The following SCHIP1 variants were observed in gnomAD, a reference collection of about 807,000 sequenced individuals.
SCHIP1 encodes schwannomin interacting protein 1.
SCHIP1 carries 8 observed loss-of-function variants against 29.7 expected under a neutral mutation model. That is an observed-to-expected ratio of 0.27 (90% CI 0.16 to 0.49). The LOEUF (loss-of-function observed/expected upper bound fraction) is 0.49. SCHIP1 is among the 20% of genes least tolerant of loss of function. SCHIP1 has a pLI of 0.99. For synonymous variants in SCHIP1, 76 were observed against 94.9 expected (o/e 0.80, Z 1.16); for missense variants, 193 against 294.6 (o/e 0.66, Z 2.52).
the SCHIP1 span, among the ~76,000 whole-genome samples, chr3:159,394,336 A>C: frequency 1.1e-4 from 17 of 152,170 alleles, no homozygotes; most frequent in African/African-American, 2.7e-4. Flanking sequence ...CTCTGGCCAG[A>C]ACTTCCAACA....
chr3:159,703,521 G>A, the SCHIP1 span, among the ~76,000 whole-genome samples: 1 of 151,988 alleles, frequency 6.6e-6, no homozygotes, highest in African/African-American at 2.4e-5. Context: ...CCCACAGCAG[G>A]ACATACCATA....
At chr3:159,445,780 A>T in the SCHIP1 span, among the ~76,000 whole-genome samples, 1 of 151,000 alleles carries the variant, frequency 6.6e-6, no homozygotes, top group Non-Finnish European at 1.5e-5. Context: ...GCAAGGACAA[A>T]AAACCAAACA....
At chr3:159,468,777 A>ATATATATATATAT in the SCHIP1 span, among the ~76,000 whole-genome samples, 2 of 127,350 alleles carry the variant, frequency 1.6e-5, no homozygotes, top group African/African-American at 6.1e-5. Flanking sequence ...ATATATATAT[A>ATATATATATATAT]TTTTTTTTAG....
chr3:159,319,660 A>T, the SCHIP1 span, among the ~76,000 whole-genome samples: 1 of 152,362 alleles, frequency 6.6e-6, no homozygotes, highest in African/African-American at 2.4e-5. Flanking sequence ...GTCTGGTTGG[A>T]TAAGCAGATA....
chr3:159,381,301 G>A, the SCHIP1 span, among the ~76,000 whole-genome samples: 8 of 152,178 alleles, frequency 5.3e-5, no homozygotes, highest in South Asian at 1.7e-3. Context: ...CAGATCACTG[G>A]CTTGTATTTC....
the SCHIP1 span, among the ~76,000 whole-genome samples, chr3:159,750,263 G>GTGTATA: frequency 8.0e-4 from 20 of 25,068 alleles, no homozygotes; most frequent in African/African-American, 2.0e-3. Flanking sequence ...ATGTGTGTGT[G>GTGTATA]TATATATATA....
chr3:159,573,879 C>T, the SCHIP1 span, among the ~76,000 whole-genome samples: 1 of 151,930 alleles, frequency 6.6e-6, no homozygotes. Context: ...TCATGGATAC[C>T]CTTTCTTCCA....
At chr3:159,479,949 G>A in the SCHIP1 span, among the ~76,000 whole-genome samples, 1 of 152,144 alleles carries the variant, frequency 6.6e-6, no homozygotes. Context: ...GTGGAGTTGG[G>A]GAAAATTGTT....
the SCHIP1 span, among the ~76,000 whole-genome samples, chr3:159,448,154 T>C: frequency 2.0e-5 from 3 of 152,170 alleles, no homozygotes; most frequent in African/African-American, 4.8e-5. Context: ...ATCAAATAAG[T>C]TCATGAGTGC....
chr3:159,808,224 T>C, the SCHIP1 span, among the ~76,000 whole-genome samples: 3 of 152,252 alleles, frequency 2.0e-5, no homozygotes, highest in Non-Finnish European at 4.4e-5. Context: ...TGCTCTGTGA[T>C]ATAAGTAATG....
the SCHIP1 span, among the ~76,000 whole-genome samples, chr3:159,463,933 A>G: frequency 3.3e-5 from 5 of 152,150 alleles, no homozygotes; most frequent in Admixed American, 6.6e-5. Context: ...AATCTATTGT[A>G]TGGATGTGCT....
the SCHIP1 span, chr3:159,764,738 G>A: frequency 1.3e-6 from 2 of 1,571,234 alleles, no homozygotes; most frequent in Non-Finnish European, 1.7e-6. The surrounding 1 kb of genome is among the most constrained non-coding windows in gnomAD (Gnocchi z 6.1). Context: ...TCTCCGGCCC[G>A]GGAACCGGGG....
the SCHIP1 span, among the ~76,000 whole-genome samples, chr3:159,513,637 G>A: frequency 3.3e-5 from 5 of 152,102 alleles, no homozygotes; most frequent in East Asian, 3.9e-4. Flanking sequence ...GGAAAAAATC[G>A]GTGCCATGGA....
At chr3:159,589,525 T>C in the SCHIP1 span, among the ~76,000 whole-genome samples, 2 of 152,184 alleles carry the variant, frequency 1.3e-5, no homozygotes, top group African/African-American at 4.8e-5. Context: ...AGAGAGGACA[T>C]CCCTGTCTTG....
At chr3:159,626,158 ATATC>A in the SCHIP1 span, among the ~76,000 whole-genome samples, 803 of 121,968 alleles carry the variant, frequency 6.6e-3, 81 homozygotes, top group African/African-American at 0.038. Flanking sequence ...ATATATATAT[ATATC>A]TAGATATATC....
chr3:159,423,324 G>A, the SCHIP1 span, among the ~76,000 whole-genome samples: 60 of 152,316 alleles, frequency 3.9e-4, no homozygotes, highest in African/African-American at 1.3e-3. Context: ...GGTGACAGAC[G>A]GCACCTGGAA....
chr3:159,415,058 G>C, the SCHIP1 span, among the ~76,000 whole-genome samples: 9 of 152,156 alleles, frequency 5.9e-5, no homozygotes, highest in African/African-American at 1.2e-4. Flanking sequence ...ATTAACATTA[G>C]TGAAGATTAA....
the SCHIP1 span, among the ~76,000 whole-genome samples, chr3:159,712,846 A>G: frequency 6.8e-4 from 101 of 147,898 alleles, 5 homozygotes; most frequent in South Asian, 0.02. Context: ...GAAAGAAAGA[A>G]AGAGAGAGAG....
the SCHIP1 span, among the ~76,000 whole-genome samples, chr3:159,820,199 G>A: frequency 3.7e-3 from 570 of 152,172 alleles, 2 homozygotes; most frequent in African/African-American, 0.013. Flanking sequence ...GACTTCTATG[G>A]CCCCAAAAGA....
Sources: allele counts gnomAD v4.1 joint callset (sites outside exome capture counted in the v4.1 genomes callset), GRCh38; gene constraint gnomAD v4.1.1; non-coding constraint Gnocchi (gnomAD v3.1); transcripts MANE v1.5; gene names NCBI Gene and HGNC (gene_info 2026-07-23, HGNC 2026-07-21).